Variants in TRIP12 observed in about 807,000 individuals in gnomAD.
The protein encoded by TRIP12 is E3 ubiquitin-protein ligase TRIP12.
Under a neutral mutation model 244.2 loss-of-function variants are expected in TRIP12, and 25 were observed. The ratio of observed to expected loss-of-function variants is 0.10; its 90% CI spans 0.07 to 0.14. The LOEUF (loss-of-function observed/expected upper bound fraction) is 0.14, where lower values mean the gene tolerates loss of function less well. Among genes scored for constraint, TRIP12 ranks in the 10% least tolerant of loss-of-function variants. The pLI, the probability that TRIP12 is intolerant of heterozygous loss-of-function variation, is 1.00. For synonymous variants in TRIP12, 905 were observed against 873.1 expected (o/e 1.04, Z -0.64); for missense variants, 1,677 against 2,486.4 (o/e 0.67, Z 6.92).
intron 4 of TRIP12, among the ~76,000 whole-genome samples, chr2:229,852,561 G>C (rs866195921): frequency 6.6e-6 from 1 of 152,128 alleles, no homozygotes; most frequent in African/African-American, 2.4e-5. Context: ...GGCTAAACAA[G>C]AGACAGCTAT....
intron 4 of TRIP12, among the ~76,000 whole-genome samples, chr2:229,849,823 A>G (rs1236925696): frequency 6.6e-6 from 1 of 152,132 alleles, no homozygotes; most frequent in Admixed American, 6.6e-5. Flanking sequence ...GCAGTAAGCT[A>G]TGATTATCTT....
intron 2 of TRIP12, among the ~76,000 whole-genome samples, chr2:229,877,441 G>C (rs1002551489): frequency 6.6e-6 from 1 of 152,158 alleles, no homozygotes; most frequent in Non-Finnish European, 1.5e-5. Context: ...GCTGAGGCAG[G>C]AGAATCACTT....
In TRIP12 at chr2:229,804,046, C is replaced by T. The variant is rs1438835820; in HGVS notation, c.2832G>A (p.Ala944=). The change falls in exon 19 of 42, where the codon GCG becomes GCA. Residue 944 remains alanine (A), a synonymous_variant. Transcript: ENST00000675903. Reference sequence around the variant, plus strand: ...GAACATCCTTCAGAAGTTCAGCATCCGCAAAATAAATTATCCTAAGAATTG... The same window carrying T: ...GAACATCCTTCAGAAGTTCAGCATCTGCAAAATAAATTATCCTAAGAATTG... ...LRAILRIIYF[A]DAELLKDVLK... 4.3e-6 allele frequency: 7 copies of T among 1,613,944 alleles called. No homozygotes were observed. The highest frequency in any genetic ancestry group is 1.1e-5 in the South Asian group (1 of 91,056).
chr2:229,831,643 AG>A (rs2053416722), intron 6 of TRIP12, among the ~76,000 whole-genome samples: 1 of 152,194 alleles, frequency 6.6e-6, no homozygotes, highest in African/African-American at 2.4e-5. Flanking sequence ...AACAAAAACA[AG>A]AAGTATGAAA....
At chr2:229,861,730 G>T (rs1373914820) in intron 2 of TRIP12, among the ~76,000 whole-genome samples, 1 of 151,966 alleles carries the variant, frequency 6.6e-6, no homozygotes, top group East Asian at 1.9e-4. Flanking sequence ...CATCTTTCCA[G>T]AATTCATGAA....
rs530156752 is a variant in TRIP12 at position 229,799,003 on chromosome 2, T to C, written c.3354A>G (p.Ala1118=). The change falls in exon 23 of 42, where the codon GCA becomes GCG. Residue 1118 remains alanine (A), a synonymous_variant. Coordinates refer to ENST00000675903, the MANE Select transcript of TRIP12 (RefSeq NM_001348323.3). ...TTQSPKSSFL[A]SLNPKTWGRL... is the part of the protein sequence containing the mutation. The stretch of plus-strand genomic sequence containing the variant: ...TTCCCCATGTTTTTGGATTCAAGCT[T>C]GCCAGGAAAGAAGATTTAGGTGACT... 9.0e-5 allele frequency: 145 copies of C among 1,614,122 alleles called. No homozygotes were observed. The highest frequency in any genetic ancestry group is 1.8e-4 in the Admixed American group (11 of 60,006).
intron 1 of TRIP12, among the ~76,000 whole-genome samples, chr2:229,888,734 C>T (rs189621109): frequency 6.7e-4 from 102 of 152,042 alleles, no homozygotes; most frequent in African/African-American, 2.2e-3. Flanking sequence ...GCCCAGGATG[C>T]GGAGGTTGCA....
chr2:229,917,238 G>A (rs1013681856), intron 1 of TRIP12, among the ~76,000 whole-genome samples: 6 of 151,608 alleles, frequency 4.0e-5, no homozygotes, highest in African/African-American at 1.2e-4. Context: ...AAAATTAGCT[G>A]GGCGTGGTGG....
At position 229,792,259 on chromosome 2, in the gene TRIP12, C is replaced by G. The variant is rs368743327; in HGVS notation, c.4142-33G>C. Reference sequence around the variant, plus strand: ...CCCAAGTAGACTTTTAAACTCTTAGCGATTTTAGGTGTAAAAAAAAAAAAA... The same window carrying G: ...CCCAAGTAGACTTTTAAACTCTTAGGGATTTTAGGTGTAAAAAAAAAAAAA... On this transcript the variant is annotated intron_variant, in intron 27 of 41. Transcript: ENST00000675903. 1.9e-6 allele frequency: 3 copies of G among 1,593,444 alleles called. No individual in the cohort carries two copies. In the South Asian group the frequency reaches 3.4e-5, roughly 18 times the overall value.
intron 4 of TRIP12, among the ~76,000 whole-genome samples, chr2:229,842,587 A>G (rs2056692582): frequency 6.6e-6 from 1 of 151,510 alleles, no homozygotes; most frequent in Non-Finnish European, 1.5e-5. Context: ...ACACCAAAAA[A>G]CAGTGTTTTT....
rs1479345450 is a variant in TRIP12 at position 229,765,557 on chromosome 2, C to T, written c.*1997G>A. On this transcript the variant is annotated 3_prime_UTR_variant, in exon 42 of 42. Coordinates refer to ENST00000675903, the MANE Select transcript of TRIP12 (RefSeq NM_001348323.3). ...TTATTAGATGCTGGAATCAATGAGG[C>T]CAAATTTGCCAGGGCTGCAACATGG... The T allele has an allele frequency of 3.3e-5, 5 of 152,086 alleles. No homozygotes were observed. The South Asian group carries it at 6.2e-4, about 19-fold the overall frequency. 9.4% of individuals were successfully genotyped at this position (152,086 alleles called of 1,614,324 possible). A position where few individuals can be genotyped will look rare whatever the true frequency, so the allele number is the denominator to read the frequency against.
chr2:229,909,363 T>C (rs1385105129), intron 1 of TRIP12, among the ~76,000 whole-genome samples: 3 of 146,754 alleles, frequency 2.0e-5, no homozygotes, highest in Admixed American at 6.8e-5. Context: ...CTGGGCAACA[T>C]AGGGACACCC....
chr2:229,876,771 C>T (rs944986155), intron 2 of TRIP12, among the ~76,000 whole-genome samples: 12 of 152,180 alleles, frequency 7.9e-5, no homozygotes, highest in Non-Finnish European at 1.8e-4. Flanking sequence ...TCAAGCGATC[C>T]TCCCACCTCA....
chr2:229,819,066 ACACACACACACACACACAC>A (rs1456666748), intron 8 of TRIP12, among the ~76,000 whole-genome samples: 2 of 147,366 alleles, frequency 1.4e-5, no homozygotes, highest in Admixed American at 6.8e-5. Context: ...ACACACACAC[ACACACACACACACACACAC>A]AATTATAAAC....
Position 229,777,403 on chromosome 2 carries a change from A to C in TRIP12, c.5441T>G (p.Phe1814Cys). The change falls in exon 37 of 42, where the codon TTT becomes TGT. Residue 1814 changes from phenylalanine to cysteine, a missense_variant. This residue lies in a region of TRIP12 where 171 missense variants were observed against 388.4 expected (regional missense o/e 0.44). Transcript: ENST00000675903. The part of the protein sequence containing the change: ...QETSLTSHDL[F>C]DIDPVVARSV... ...TCTGGCTACAACTGGGTCGATGTCAAACAAATCGTGTGATGTCAGTGAAGT... is the reference window on the plus strand; with the variant it reads ...TCTGGCTACAACTGGGTCGATGTCACACAAATCGTGTGATGTCAGTGAAGT... 1 of 1,613,986 alleles carries C rather than the reference A, an allele frequency of 6.2e-7. No individual in the cohort carries two copies. The highest frequency in any genetic ancestry group is 1.1e-5 in the South Asian group (1 of 91,072).
chr2:229,910,188 G>C (rs948518793), intron 1 of TRIP12, among the ~76,000 whole-genome samples: 1 of 152,112 alleles, frequency 6.6e-6, no homozygotes, highest in Non-Finnish European at 1.5e-5. Flanking sequence ...CTTTACAACT[G>C]TCTGAAGAAA....
At chr2:229,801,986 A>G (rs2044492923) in intron 21 of TRIP12, among the ~76,000 whole-genome samples, 1 of 152,218 alleles carries the variant, frequency 6.6e-6, no homozygotes, top group African/African-American at 2.4e-5. Context: ...TAAGTGTGTA[A>G]CACCGTGCAA....
At chr2:229,830,158 T>C (rs1008534062) in intron 7 of TRIP12, among the ~76,000 whole-genome samples, 2 of 152,194 alleles carry the variant, frequency 1.3e-5, no homozygotes, top group Non-Finnish European at 2.9e-5. Flanking sequence ...GTAAAAGCAT[T>C]TGTAACATTA....
chr2:229,892,101 T>C (rs2067500166), intron 1 of TRIP12, among the ~76,000 whole-genome samples: 1 of 152,182 alleles, frequency 6.6e-6, no homozygotes, highest in African/African-American at 2.4e-5. Context: ...TTTGCTACAA[T>C]GGAGCTCACC....
Sources: allele counts gnomAD v4.1 joint callset (sites outside exome capture counted in the v4.1 genomes callset), GRCh38; gene constraint gnomAD v4.1.1; regional missense constraint gnomAD v4.1.1; transcripts MANE v1.5; gene names NCBI Gene and HGNC (gene_info 2026-07-23, HGNC 2026-07-21).